Variants in CSTA observed in about 807,000 individuals in gnomAD.
The protein encoded by CSTA is cystatin-A.
CSTA carries 9 observed loss-of-function variants against 9.2 expected under a neutral mutation model. The observed-to-expected ratio is 0.97, with a 90% CI of 0.59 to 1.70. The LOEUF is 1.70. Among genes scored for constraint, CSTA ranks in the 40% most tolerant of loss-of-function variants. The pLI, the probability that CSTA is intolerant of heterozygous loss-of-function variation, is 0.00. For synonymous variants in CSTA, 36 were observed against 40.6 expected, an observed-to-expected ratio of 0.89 and a Z score of 0.43; for missense variants, 118 against 113.1, an observed-to-expected ratio of 1.04 and a Z score of -0.20.
Position 122,335,634 on chromosome 3 carries a change from T to G in CSTA, c.67-1913T>G, listed in dbSNP as rs1251365362. On this transcript the variant is annotated intron_variant, in intron 1 of 2. Coordinates refer to ENST00000264474, the MANE Select transcript of CSTA (RefSeq NM_005213.4). ...TTTTATTATTTATTTATTTATTTAT[T>G]TATTTATGTATTTTGAGGCAGAGTT... Among the ~76,000 whole-genome samples, 10 of 151,770 alleles carry G rather than the reference T, an allele frequency of 6.6e-5. No individual in the cohort carries two copies. The East Asian group carries it at 1.2e-3, about 18-fold the overall frequency.
chr3:122,333,626 AGG>A, intron 1 of CSTA, among the ~76,000 whole-genome samples: 1 of 149,882 alleles, frequency 6.7e-6, no homozygotes, highest in East Asian at 1.9e-4. Flanking sequence ...GGAAAAGGAA[AGG>A]AAAGGAAGGA....
intron 1 of CSTA, among the ~76,000 whole-genome samples, chr3:122,332,712 A>G (rs1268631805): frequency 6.6e-6 from 1 of 152,122 alleles, no homozygotes; most frequent in African/African-American, 2.4e-5. Context: ...CTGGAGACCA[A>G]GCGACAAACC....
intron 1 of CSTA, among the ~76,000 whole-genome samples, chr3:122,326,596 T>G (rs1298519062): frequency 6.6e-6 from 1 of 152,228 alleles, no homozygotes; most frequent in South Asian, 2.1e-4. Flanking sequence ...AGGGGCCAGA[T>G]GCCTAGAATC....
At position 122,337,528 on chromosome 3, in the gene CSTA, C is replaced by T; in HGVS notation, c.67-19C>T. 6.5e-7 allele frequency: 1 copy of T among 1,526,746 alleles called. No individual in the cohort carries two copies. The highest frequency in any genetic ancestry group is 9.1e-7 in the Non-Finnish European group (1 of 1,100,210). The allele number at this position is 1,526,746 out of a possible 1,614,324, so 94.6% of individuals were successfully genotyped here. On this transcript the variant is annotated intron_variant, in intron 1 of 2. Transcript: ENST00000264474. ...CTAATATAGCTTTGATTATTTGTTTCCTCTTTTCTTTTCTTTAGGTTAAAC... is the reference window on the plus strand; with the variant it reads ...CTAATATAGCTTTGATTATTTGTTTTCTCTTTTCTTTTCTTTAGGTTAAAC...
rs754758735 is a variant in CSTA at position 122,341,518 on chromosome 3, C to T, written c.248C>T (p.Thr83Ile). The T allele has an allele frequency of 1.2e-6, 2 of 1,614,078 alleles. No homozygotes were observed. The highest frequency in any genetic ancestry group is 1.7e-6 in the Non-Finnish European group (2 of 1,179,976). ...LPGQNEDLVL[T>I]GYQVDKNKDD... ...GGACAAAATGAGGACTTGGTACTTA[C>T]TGGATACCAGGTTGACAAAAACAAG... The change falls in exon 3 of 3, where the codon ACT becomes ATT. Residue 83 changes from threonine to isoleucine, a missense_variant. Thr to Ile is a moderately conservative substitution (Grantham distance 89). Transcript: ENST00000264474.
At chr3:122,337,480 T>C (rs2075242390) in intron 1 of CSTA, 67 bp from the exon 2 acceptor site, 2 of 1,038,194 alleles carry the variant, frequency 1.9e-6, no homozygotes, top group East Asian at 4.7e-5. Flanking sequence ...GGTTCCCAGA[T>C]GGGTACATTG....
Position 122,325,364 on chromosome 3 carries a change from T to G in CSTA, c.66+6T>G. The G allele has an allele frequency of 2.5e-6, 4 of 1,613,970 alleles. No homozygotes were observed. Among genetic ancestry groups the G allele is most frequent in the African/African-American group, 1.3e-5 (1 of 75,006 alleles). The stretch of plus-strand genomic sequence containing the variant: ...TCCAGGAGATTGTTGATAAGGTGAG[T>G]TGATGCCATTCAGGAAAAAGTCTGA... On this transcript the variant is annotated splice_donor_region_variant and intron_variant, in intron 1 of 2. Coordinates refer to ENST00000264474, the MANE Select transcript of CSTA (RefSeq NM_005213.4).
chr3:122,337,681 G>T, intron 2 of CSTA, 33 bp downstream of exon 2: 2 of 1,283,154 alleles, frequency 1.6e-6, no homozygotes, highest in African/African-American at 1.5e-5. Context: ...AGCGCCAAAA[G>T]ATGTATTTCT....
intron 1 of CSTA, among the ~76,000 whole-genome samples, chr3:122,336,060 A>C (rs971085098): frequency 2.0e-4 from 30 of 152,198 alleles, no homozygotes; most frequent in African/African-American, 7.2e-4. Context: ...ATATATGCAC[A>C]CACATACACA....
chr3:122,341,652 G>T lies in CSTA; in HGVS notation c.*85G>T. ...GATAAATATAACCATCAATAAAGAA[G>T]CATTCTTTTCCAAAGAAATTATTTC... On this transcript the variant is annotated 3_prime_UTR_variant, in exon 3 of 3. Transcript: ENST00000264474. The T allele has an allele frequency of 6.8e-7, 1 of 1,479,380 alleles. No individual in the cohort carries two copies. Among genetic ancestry groups the T allele is most frequent in the Non-Finnish European group, 9.4e-7 (1 of 1,067,424 alleles). The allele number at this position is 1,479,380 out of a possible 1,614,324, so 91.6% of individuals were successfully genotyped here.
At chr3:122,334,973 C>T (rs761359201) in intron 1 of CSTA, among the ~76,000 whole-genome samples, 5 of 152,178 alleles carry the variant, frequency 3.3e-5, no homozygotes, top group Non-Finnish European at 5.9e-5. Flanking sequence ...ACAGTGAGAC[C>T]TCCCATAGTT....
chr3:122,331,204 T>G (rs1411735337), intron 1 of CSTA, among the ~76,000 whole-genome samples: 1 of 151,852 alleles, frequency 6.6e-6, no homozygotes, highest in Non-Finnish European at 1.5e-5. Flanking sequence ...CAGAACATGA[T>G]TTTTGTCAGT....
intron 1 of CSTA, among the ~76,000 whole-genome samples, chr3:122,336,925 C>A (rs2075239771): frequency 6.6e-6 from 1 of 152,016 alleles, no homozygotes; most frequent in Non-Finnish European, 1.5e-5. Context: ...AACATCAAGG[C>A]CATGAACAAA....
In CSTA at chr3:122,333,698, G is replaced by A. The variant is rs1430017588; in HGVS notation, c.67-3849G>A. ...AAGAAAGAAGAAAGAAAGAGAGAGA[G>A]AAAGAAAGAAAAAGAAAGAAAGAGA... On this transcript the variant is annotated intron_variant, in intron 1 of 2. Transcript: ENST00000264474. Among the ~76,000 whole-genome samples, 395 of 129,388 alleles carry A rather than the reference G, an allele frequency of 3.1e-3. 6 individuals are homozygous for A. The highest frequency in any genetic ancestry group is 0.025 in the Middle Eastern group (5 of 202). 84.9% of individuals were successfully genotyped at this position (129,388 alleles called of 152,430 possible). A position where few individuals can be genotyped will look rare whatever the true frequency, so the allele number is the denominator to read the frequency against.
At chr3:122,336,343 A>G (rs2075237539) in intron 1 of CSTA, among the ~76,000 whole-genome samples, 1 of 152,190 alleles carries the variant, frequency 6.6e-6, no homozygotes, top group Admixed American at 6.5e-5. Context: ...TGATGGAGGC[A>G]TGTTGAAAGA....
chr3:122,335,014 G>A (rs2075228408), intron 1 of CSTA, among the ~76,000 whole-genome samples: 1 of 152,190 alleles, frequency 6.6e-6, no homozygotes. Flanking sequence ...CACCCCGGCA[G>A]AAGACGAGCT....
rs1262778803 is a variant in CSTA, at chr3:122,337,608, A to G, written c.128A>G (p.Tyr43Cys). The G allele has an allele frequency of 1.2e-6, 2 of 1,613,506 alleles. No individual in the cohort carries two copies. Among genetic ancestry groups the G allele is most frequent in the Non-Finnish European group, 1.7e-6 (2 of 1,179,472 alleles). The stretch of plus-strand genomic sequence containing the variant: ...TACGGAAAATTGGAAGCTGTGCAGT[A>G]TAAAACTCAAGTTGTTGCTGGAACA... ...ETYGKLEAVQ[Y>C]KTQVVAGTNY... The change falls in exon 2 of 3, where the codon TAT becomes TGT. Residue 43 changes from tyrosine (Y) to cysteine (C), a missense_variant. Physicochemically the swap from Tyr to Cys is radical, Grantham distance 194. Coordinates refer to ENST00000264474, the MANE Select transcript of CSTA (RefSeq NM_005213.4).
intron 1 of CSTA, among the ~76,000 whole-genome samples, chr3:122,336,501 G>C (rs1007894170): frequency 2.0e-5 from 3 of 152,182 alleles, no homozygotes; most frequent in African/African-American, 7.2e-5. Context: ...ATAAAGAGGA[G>C]AGAGGGAACA....
chr3:122,341,487 C>T lies in CSTA; in HGVS notation c.217C>T (p.Leu73Phe). Residue 73 changes from leucine to phenylalanine, a missense_variant, in exon 3 of 3, where the codon CTT becomes TTT. Physicochemically the swap from Leu to Phe is conservative, Grantham distance 22. Transcript: ENST00000264474. ...TATGCACTTGAAAGTATTCAAAAGT[C>T]TTCCCGGACAAAATGAGGACTTGGT... ...KYMHLKVFKS[L>F]PGQNEDLVLT... is the part of the protein sequence containing the mutation. 1 of 1,614,000 alleles carries T rather than the reference C, an allele frequency of 6.2e-7. No individual in the cohort carries two copies. The highest frequency in any genetic ancestry group is 8.5e-7 in the Non-Finnish European group (1 of 1,179,926).
Sources: gnomAD v4.1 joint callset for allele counts (sites outside exome capture counted in the v4.1 genomes callset) on GRCh38, gnomAD v4.1.1 for gene constraint, MANE v1.5 for transcripts, NCBI Gene and HGNC (gene_info 2026-07-23, HGNC 2026-07-21) for gene names.